Variants in ARID3C observed in about 807,000 individuals in gnomAD.
ARID3C encodes the protein AT-rich interactive domain-containing protein 3C.
ARID3C carries 42 observed loss-of-function variants against 37.9 expected under a neutral mutation model. The observed-to-expected ratio is 1.11, with a 90% CI of 0.87 to 1.43. The LOEUF (loss-of-function observed/expected upper bound fraction) is 1.43, where lower values mean the gene tolerates loss of function less well. ARID3C is among the 40% of genes most tolerant of loss of function. The pLI is 0.00. For synonymous variants in ARID3C, 213 were observed against 228.0 expected, an observed-to-expected ratio of 0.93 and a Z score of 0.59; for missense variants, 581 against 548.8, an observed-to-expected ratio of 1.06 and a Z score of -0.59.
At chr9:34,632,452 T>C (rs931184610), upstream of ARID3C, among the ~76,000 whole-genome samples, 1 of 151,948 alleles carries the variant, frequency 6.6e-6, no homozygotes, top group Non-Finnish European at 1.5e-5. Flanking sequence ...CAGAATGAGA[T>C]GGAAAGCCAC....
chr9:34,623,918 CG>C lies in ARID3C; in HGVS notation c.520del (p.Arg174AlafsTer21). 6.3e-7 allele frequency: 1 copy of C among 1,599,976 alleles called. No individual in the cohort carries two copies. Among genetic ancestry groups the C allele is most frequent in the South Asian group, 1.1e-5 (1 of 90,264 alleles). The stretch of plus-strand genomic sequence containing the variant: ...GATGGTGGTGGGTAGGCTGAGGCCG[CG>C]CGTGACTTCCCGCCACACTTTGCGG... On this transcript the variant is annotated frameshift_variant, in exon 3 of 7. Transcript: ENST00000378909. LOFTEE classifies it high-confidence loss of function.
upstream of ARID3C, among the ~76,000 whole-genome samples, chr9:34,629,050 C>T (rs1179542625): frequency 1.3e-5 from 2 of 151,352 alleles, no homozygotes; most frequent in Non-Finnish European, 2.9e-5. Flanking sequence ...GGCGGCTGTG[C>T]GCTCACTCGC....
chr9:34,622,868 G>C (rs930180768), intron 4 of ARID3C, among the ~76,000 whole-genome samples: 2 of 152,026 alleles, frequency 1.3e-5, no homozygotes, highest in Admixed American at 6.5e-5. Context: ...CCTTTTCCTG[G>C]CCGGGCGCGG....
At chr9:34,629,479 T>C (rs949469286), upstream of ARID3C, among the ~76,000 whole-genome samples, 3 of 152,236 alleles carry the variant, frequency 2.0e-5, no homozygotes, top group African/African-American at 7.2e-5. Flanking sequence ...CTCTGCAAGA[T>C]GCTGGGGTGT....
intron 1 of ARID3C, among the ~76,000 whole-genome samples, 156 bp from the exon 3 acceptor site, chr9:34,625,970 T>C (rs190798804): frequency 8.7e-4 from 132 of 152,328 alleles, no homozygotes; most frequent in South Asian, 2.5e-3. Context: ...TCTCTCCGCC[T>C]AGGGGCAGGC....
exon 4 of ARID3C, chr9:34,623,426 T>C (rs771425589): frequency 5.3e-6 from 8 of 1,495,818 alleles, no homozygotes; most frequent in Admixed American, 2.4e-5. Flanking sequence ...CCCTCGCACC[T>C]TTCTTAATAG....
chr9:34,623,144 T>C (rs1587214829), intron 4 of ARID3C, among the ~76,000 whole-genome samples: 1 of 102,754 alleles, frequency 9.7e-6, no homozygotes, highest in African/African-American at 3.9e-5. Flanking sequence ...AGACTCCGTC[T>C]CACAAAAAAA....
At chr9:34,624,783 T>G (rs1029305736) in intron 2 of ARID3C, among the ~76,000 whole-genome samples, 1 of 152,054 alleles carries the variant, frequency 6.6e-6, no homozygotes, top group African/African-American at 2.4e-5. Context: ...TGGGGGAAAA[T>G]TATCGGCCCC....
In ARID3C at chr9:34,625,746, C is replaced by A. The variant is rs188058337; in HGVS notation, c.387G>T (p.Lys129Asn). Residue 129 changes from lysine to asparagine, a missense_variant, in exon 2 of 7, where the codon AAG (lysine) becomes AAT (asparagine). By Grantham distance (94) the Lys-to-Asn change is moderately conservative (BLOSUM62 0). Transcript: ENST00000378909. ...CCCCCACATCATGCCACTCACCCCT[C>A]TTTTGCATGAAGCTAAACAGGTCAT... 8 of 1,613,968 alleles carry A rather than the reference C, an allele frequency of 5.0e-6. No individual in the cohort carries two copies. The Admixed American group carries it at 1.2e-4, about 24-fold the overall frequency.
chr9:34,630,923 T>A (rs1312182212), upstream of ARID3C, among the ~76,000 whole-genome samples: 1 of 151,964 alleles, frequency 6.6e-6, no homozygotes. Context: ...CCCCATGGCT[T>A]TGTTTGGTGT....
In ARID3C at chr9:34,625,831, G is replaced by T; in HGVS notation, c.319-17C>A. On this transcript the variant is annotated splice_polypyrimidine_tract_variant and intron_variant, in intron 1 of 6. Transcript: ENST00000378909. Reference sequence around the variant, plus strand: ...CTCATACAGCTGGGGAAGGATTGGGGTCATTCTACAGCTCTGCTGACTCCC... The same window carrying T: ...CTCATACAGCTGGGGAAGGATTGGGTTCATTCTACAGCTCTGCTGACTCCC... The T allele has an allele frequency of 3.7e-6, 6 of 1,613,648 alleles. No homozygotes were observed. The highest frequency in any genetic ancestry group is 1.1e-5 in the South Asian group (1 of 91,064).
chr9:34,631,026 A>G (rs1820718861), upstream of ARID3C, among the ~76,000 whole-genome samples: 1 of 152,180 alleles, frequency 6.6e-6, no homozygotes, highest in South Asian at 2.1e-4. Flanking sequence ...GCAGACAGAC[A>G]TGCCCTGGAA....
chr9:34,622,347 C>T (rs146319245), exon 5 of ARID3C: 307 of 1,604,898 alleles, frequency 1.9e-4, no homozygotes, highest in Non-Finnish European at 2.4e-4. Context: ...CCCTCCTCAC[C>T]CCTCAGGGGA....
upstream of ARID3C, among the ~76,000 whole-genome samples, chr9:34,629,081 C>T (rs996591878): frequency 1.3e-5 from 2 of 152,030 alleles, no homozygotes; most frequent in African/African-American, 4.8e-5. Flanking sequence ...GCGGCGGCCG[C>T]GGGGGCGGGA....
intron 2 of ARID3C, 36 bp from the exon 4 acceptor site, chr9:34,624,083 C>G: frequency 6.5e-7 from 1 of 1,539,818 alleles, no homozygotes; most frequent in Non-Finnish European, 8.7e-7. Flanking sequence ...GACACTGAGA[C>G]GAAGACCCTG....
intron 1 of ARID3C, 40 bp from the exon 3 acceptor site, chr9:34,625,854 C>G: frequency 6.2e-7 from 1 of 1,607,584 alleles, no homozygotes; most frequent in Non-Finnish European, 8.5e-7. Context: ...TCTGCTGACT[C>G]CCCCTCCCTC....
In ARID3C at chr9:34,622,454, G is replaced by C. The variant is rs758352558; in HGVS notation, c.941C>G (p.Ala314Gly). The C allele has an allele frequency of 2.5e-6, 4 of 1,614,118 alleles. No individual in the cohort carries two copies. In the Admixed American group the frequency reaches 6.7e-5, roughly 27 times the overall value. Residue 314 changes from alanine (A) to glycine (G), a missense_variant, in exon 5 of 7, where the codon GCA becomes GGA. Coordinates refer to ENST00000378909, the Ensembl canonical transcript of ARID3C. The stretch of plus-strand genomic sequence containing the variant: ...TCTCTTCTCTGGGGGCTCCTCTGGT[G>C]CCAATTTCTCCCGTGTAGGTCCCAG...
At chr9:34,622,667 C>G (rs1039777001) in intron 4 of ARID3C, 138 bp from the exon 6 acceptor site, 2 of 903,588 alleles carry the variant, frequency 2.2e-6, no homozygotes, top group African/African-American at 3.4e-5. Flanking sequence ...ATCTTCCCAT[C>G]CAGAGCCTCA....
chr9:34,624,024 TG>T lies in ARID3C; in HGVS notation c.414del (p.Ile139SerfsTer16). 6 of 1,596,904 alleles carry T rather than the reference TG, an allele frequency of 3.8e-6. No individual in the cohort carries two copies. Among genetic ancestry groups the T allele is most frequent in the Non-Finnish European group, 5.1e-6 (6 of 1,174,796 alleles). On this transcript the variant is annotated frameshift_variant, in exon 3 of 7. Transcript: ENST00000378909. LOFTEE classifies it high-confidence loss of function. ...AGGTCGAGCACCTGCTTCGCCATGA[TG>T]GGCACGCGGTTCACTGGCGTCCCTG...
Sources: gnomAD v4.1 joint callset for allele counts (sites outside exome capture counted in the v4.1 genomes callset) on GRCh38, gnomAD v4.1.1 for gene constraint, MANE v1.5 for transcripts, NCBI Gene and HGNC (gene_info 2026-07-23, HGNC 2026-07-21) for gene names.